The following IQCM variants were observed in gnomAD, a reference collection of about 807,000 sequenced individuals.
The protein encoded by IQCM is IQ motif containing M, also known as IQ domain-containing protein M.
IQCM carries 45 observed loss-of-function variants against 57.6 expected under a neutral mutation model. The observed-to-expected ratio is 0.78, with a 90% CI of 0.62 to 1.00. The LOEUF (loss-of-function observed/expected upper bound fraction) is 1.00, where lower values mean the gene tolerates loss of function less well. Ranked by LOEUF, IQCM falls within the 50% of genes least tolerant of loss-of-function variation. The pLI, the probability that IQCM is intolerant of heterozygous loss-of-function variation, is 0.00. For missense variants in IQCM, 468 were observed against 511.6 expected, an observed-to-expected ratio of 0.91 and a Z score of 0.82; for synonymous variants, 148 against 158.9, an observed-to-expected ratio of 0.93 and a Z score of 0.51.
At chr4:149,618,035 G>T (rs1755955006) in intron 8 of IQCM, among the ~76,000 whole-genome samples, 1 of 152,076 alleles carries the variant, frequency 6.6e-6, no homozygotes, top group Non-Finnish European at 1.5e-5. Context: ...GCAAAAAAGA[G>T]CCTGAATAGC....
intron 13 of IQCM, among the ~76,000 whole-genome samples, chr4:149,413,715 TA>T (rs1322232148): frequency 2.6e-5 from 4 of 152,186 alleles, no homozygotes; most frequent in Non-Finnish European, 5.9e-5. Context: ...TATTTAAAAA[TA>T]AAAATATAGC....
intron 8 of IQCM, among the ~76,000 whole-genome samples, chr4:149,599,878 A>G (rs1754114619): frequency 1.3e-5 from 2 of 152,198 alleles, no homozygotes; most frequent in South Asian, 2.1e-4. Context: ...TTAAAACTTT[A>G]TATCTAAAAG....
chr4:149,789,148 G>A (rs555295077), intron 2 of IQCM, among the ~76,000 whole-genome samples: 6 of 152,146 alleles, frequency 3.9e-5, no homozygotes, highest in African/African-American at 1.4e-4. Context: ...TAGAAGAGAG[G>A]GCTTAAAATG....
chr4:149,373,609 T>G (rs1457312446), intron 13 of IQCM, among the ~76,000 whole-genome samples: 2 of 152,148 alleles, frequency 1.3e-5, no homozygotes, highest in African/African-American at 4.8e-5. Flanking sequence ...GCATAAATAT[T>G]TAATTCAGGT....
At position 149,355,421 on chromosome 4, in the gene IQCM, G is replaced by A. The variant is rs549564524; in HGVS notation, c.1391-3355C>T. On this transcript the variant is annotated intron_variant, in intron 13 of 13. Coordinates refer to ENST00000636793, the MANE Select transcript of IQCM (RefSeq NM_001363507.2). The stretch of plus-strand genomic sequence containing the variant: ...CCCCCACCCCACAACAGGCCCCAGC[G>A]TGTGATGTTCCCCTTCCTGTGTCTA... Among the ~76,000 whole-genome samples the A allele has an allele frequency of 4.6e-4, 55 of 119,362 alleles. 1 individual carries two copies. Among genetic ancestry groups the A allele is most frequent in the African/African-American group, 1.7e-3 (50 of 29,788 alleles). 78.3% of individuals were successfully genotyped at this position (119,362 alleles called of 152,430 possible).
chr4:149,470,869 C>T (rs1474328171), intron 12 of IQCM, among the ~76,000 whole-genome samples: 2 of 152,194 alleles, frequency 1.3e-5, no homozygotes, highest in Non-Finnish European at 2.9e-5. Flanking sequence ...TGAATGACTA[C>T]TGGTTACATA....
chr4:149,729,086 T>C (rs1766222198), intron 5 of IQCM, among the ~76,000 whole-genome samples: 1 of 152,174 alleles, frequency 6.6e-6, no homozygotes, highest in African/African-American at 2.4e-5. Flanking sequence ...AGTCCAAAGA[T>C]GTTATAGAAT....
intron 9 of IQCM, among the ~76,000 whole-genome samples, chr4:149,572,337 AGT>A (rs1751237103): frequency 6.6e-6 from 1 of 151,490 alleles, no homozygotes; most frequent in Non-Finnish European, 1.5e-5. Context: ...CCAAGGCTGG[AGT>A]GCAGTGGTAC....
chr4:149,403,069 C>A (rs1490645022), intron 13 of IQCM, among the ~76,000 whole-genome samples: 2 of 151,876 alleles, frequency 1.3e-5, no homozygotes, highest in Non-Finnish European at 2.9e-5. Flanking sequence ...TTTAAAAGTG[C>A]ATCACAAACA....
intron 2 of IQCM, among the ~76,000 whole-genome samples, chr4:149,814,830 T>C (rs543356315): frequency 6.6e-6 from 1 of 151,970 alleles, no homozygotes; most frequent in African/African-American, 2.4e-5. Flanking sequence ...CACTCTGGAG[T>C]ATGAATCATA....
At chr4:149,472,201 T>G (rs1011312348) in intron 12 of IQCM, among the ~76,000 whole-genome samples, 1 of 152,188 alleles carries the variant, frequency 6.6e-6, no homozygotes, top group Admixed American at 6.5e-5. Context: ...GCAGCTGACA[T>G]GGTTGTATAT....
At chr4:149,645,597 A>T (rs957628060) in intron 7 of IQCM, among the ~76,000 whole-genome samples, 1 of 152,170 alleles carries the variant, frequency 6.6e-6, no homozygotes, top group Non-Finnish European at 1.5e-5. Context: ...GTCCAATTTC[A>T]CCTTTTTCTA....
In IQCM at chr4:149,458,047, T is replaced by C. The variant is rs527695069; in HGVS notation, c.1229-24490A>G. The stretch of plus-strand genomic sequence containing the variant: ...AGCAACATAAAATAGAGTAGGGAGG[T>C]AGATTTCAAACAAACAACCAACAAA... On this transcript the variant is annotated intron_variant, in intron 12 of 13. Coordinates refer to ENST00000636793, the MANE Select transcript of IQCM (RefSeq NM_001363507.2). Among the ~76,000 whole-genome samples the C allele has an allele frequency of 1.3e-3, 202 of 151,688 alleles. 1 individual carries two copies. The highest frequency in any genetic ancestry group is 4.7e-3 in the African/African-American group (194 of 41,416).
At chr4:149,371,620 T>A (rs901563718) in intron 13 of IQCM, among the ~76,000 whole-genome samples, 1 of 152,186 alleles carries the variant, frequency 6.6e-6, no homozygotes, top group Non-Finnish European at 1.5e-5. Context: ...GATTTTGCGA[T>A]GAAAACTAAG....
chr4:149,530,090 C>T (rs1402337623), intron 12 of IQCM, among the ~76,000 whole-genome samples: 1 of 152,040 alleles, frequency 6.6e-6, no homozygotes, highest in East Asian at 1.9e-4. Flanking sequence ...CCTTATGGTC[C>T]CTGCTCAAAC....
intron 5 of IQCM, among the ~76,000 whole-genome samples, chr4:149,729,072 C>G (rs1351712488): frequency 6.6e-6 from 1 of 152,182 alleles, no homozygotes; most frequent in Non-Finnish European, 1.5e-5. Flanking sequence ...ACATAATAGT[C>G]ACCAGTCCAA....
At chr4:149,509,834 T>C (rs568617392) in intron 12 of IQCM, among the ~76,000 whole-genome samples, 3 of 152,266 alleles carry the variant, frequency 2.0e-5, no homozygotes, top group Non-Finnish European at 4.4e-5. Context: ...TTCTAATTCA[T>C]CCATAATGAT....
At chr4:149,706,217 T>C (rs965706183) in intron 5 of IQCM, among the ~76,000 whole-genome samples, 2 of 151,978 alleles carry the variant, frequency 1.3e-5, no homozygotes, top group African/African-American at 4.8e-5. Context: ...CATTTCAGCA[T>C]AATGATGGGT....
intron 12 of IQCM, among the ~76,000 whole-genome samples, chr4:149,530,432 T>A (rs570263298): frequency 6.6e-6 from 1 of 152,136 alleles, no homozygotes; most frequent in Non-Finnish European, 1.5e-5. Flanking sequence ...GAAAACTCTA[T>A]GTATCTATGG....
Sources: gnomAD v4.1 joint callset for allele counts (sites outside exome capture counted in the v4.1 genomes callset) on GRCh38, gnomAD v4.1.1 for gene constraint, MANE v1.5 for transcripts, NCBI Gene and HGNC (gene_info 2026-07-23, HGNC 2026-07-21) for gene names.